Variants in TLCD3A observed in about 807,000 individuals in gnomAD.
TLCD3A encodes TLC domain containing 3A.
Under a neutral mutation model 29.9 loss-of-function variants are expected in TLCD3A, and 17 were observed. That is an observed-to-expected ratio of 0.57 (90% CI 0.39 to 0.85). The LOEUF (loss-of-function observed/expected upper bound fraction) is 0.85, where lower values mean the gene tolerates loss of function less well. Among genes scored for constraint, TLCD3A ranks in the 40% least tolerant of loss-of-function variants. TLCD3A has a pLI of 0.00. For missense variants in TLCD3A, 332 were observed against 350.8 expected (o/e 0.95, Z 0.43); for synonymous variants, 143 against 147.7 (o/e 0.97, Z 0.23).
At chr17:732,811 G>A (rs1265397502) in intron 1 of TLCD3A, 42 bp downstream of exon 1, 52 of 1,421,508 alleles carry the variant, frequency 3.7e-5, no homozygotes, top group Non-Finnish European at 4.4e-5. Flanking sequence ...CCGGGGCGCT[G>A]CCCACCGCAC....
At chr17:734,191 CTTTT>C (rs55901312) in intron 2 of TLCD3A, among the ~76,000 whole-genome samples, 3 of 146,420 alleles carry the variant, frequency 2.0e-5, no homozygotes, top group Non-Finnish European at 3.0e-5. Context: ...TCTTCTTCTT[CTTTT>C]TTTTTTAAAG....
At position 735,986 on chromosome 17, in the gene TLCD3A, C is replaced by CAAAAAAAAA. The variant is rs55943725; in HGVS notation, c.207-1848_207-1840dup. Reference sequence around the variant, plus strand: ...AAGATTTTGTCTCAAAAACCAAAACCAAAAAAAAAAAAAAAAAAAAGGAAC... The same window carrying CAAAAAAAAA: ...AAGATTTTGTCTCAAAAACCAAAACCAAAAAAAAAAAAAAAAAAAAAAAAAAAAAGGAAC... On this transcript the variant is annotated intron_variant, in intron 2 of 4. Transcript: ENST00000308278. 8.5e-4 allele frequency among the ~76,000 whole-genome samples: 91 copies of CAAAAAAAAA among 107,184 alleles called. 2 individuals are homozygous for CAAAAAAAAA. The highest frequency in any genetic ancestry group is 3.3e-3 in the East Asian group (12 of 3,642). The allele number at this position is 107,184 out of a possible 152,430, so 70.3% of individuals were successfully genotyped here.
chr17:739,004 C>T (rs553106497), intron 3 of TLCD3A, among the ~76,000 whole-genome samples: 86 of 152,238 alleles, frequency 5.6e-4, no homozygotes, highest in African/African-American at 2.1e-3. Context: ...TGCCAGAGAG[C>T]ACTGTGTGGA....
In TLCD3A at chr17:732,672, G is replaced by A. The variant is rs537156756; in HGVS notation, c.25G>A (p.Ala9Thr). The A allele has an allele frequency of 2.1e-6, 3 of 1,399,010 alleles. No homozygotes were observed. Among genetic ancestry groups the A allele is most frequent in the East Asian group, 3.2e-5 (1 of 31,466 alleles). 86.7% of individuals were successfully genotyped at this position (1,399,010 alleles called of 1,614,324 possible). A position where few individuals can be genotyped will look rare whatever the true frequency, so the allele number is the denominator to read the frequency against. MLLTLAGG[A>T]LFFPGLFALC... The stretch of plus-strand genomic sequence containing the variant: ...GATGCTGCTGACGCTGGCCGGGGGC[G>A]CGCTCTTCTTCCCGGGGCTCTTCGC... Residue 9 changes from alanine to threonine, a missense_variant, in exon 1 of 5, where the codon GCG becomes ACG. Ala to Thr is a moderately conservative substitution (Grantham distance 58). Transcript: ENST00000308278.
At chr17:733,302 C>A in intron 2 of TLCD3A, 121 bp downstream of exon 2, 2 of 899,448 alleles carry the variant, frequency 2.2e-6, no homozygotes, top group Non-Finnish European at 3.3e-6. Flanking sequence ...CCACAATGGG[C>A]TCCTTCTTCC....
chr17:737,772 A>G, intron 2 of TLCD3A, 74 bp from the exon 3 acceptor site: 1 of 1,348,268 alleles, frequency 7.4e-7, no homozygotes, highest in Non-Finnish European at 1.1e-6. Context: ...CTGATCAAGC[A>G]CCAAGCTTGG....
chr17:741,847 G>A lies in TLCD3A; in HGVS notation c.*277G>A, dbSNP rs1405631582. ...GATCCTTCTTAAGGTCTTATCTCAA[G>A]AGCTCTGGGAGGTGGAAGCATGGGG... On this transcript the variant is annotated 3_prime_UTR_variant, in exon 5 of 5. Coordinates refer to ENST00000308278, the MANE Select transcript of TLCD3A (RefSeq NM_024792.3). 2.2e-6 allele frequency: 1 copy of A among 463,302 alleles called. No individual in the cohort carries two copies. Among genetic ancestry groups the A allele is most frequent in the African/African-American group, 2.0e-5 (1 of 50,820 alleles). The allele number at this position is 463,302 out of a possible 1,614,324, so 28.7% of individuals were successfully genotyped here.
intron 2 of TLCD3A, among the ~76,000 whole-genome samples, chr17:736,620 G>A (rs1974157896): frequency 6.6e-6 from 1 of 152,130 alleles, no homozygotes; most frequent in South Asian, 2.1e-4. Context: ...TGGCCCTTGA[G>A]CTCCAGGCTC....
chr17:732,889 C>A (rs989229322), intron 1 of TLCD3A, 120 bp downstream of exon 1: 5 of 1,372,060 alleles, frequency 3.6e-6, no homozygotes, highest in Non-Finnish European at 3.7e-6. Context: ...GCTCCCTCCG[C>A]GTCCCGGCGG....
chr17:738,810 T>C (rs892323556), intron 3 of TLCD3A, among the ~76,000 whole-genome samples: 6 of 149,752 alleles, frequency 4.0e-5, no homozygotes, highest in Admixed American at 2.0e-4. Flanking sequence ...CAAGTGATCC[T>C]CCTGCCTAGG....
rs9904096 is a variant in TLCD3A at position 737,072 on chromosome 17, C to T, written c.207-774C>T. Among the ~76,000 whole-genome samples, 345 of 151,014 alleles carry T rather than the reference C, an allele frequency of 2.3e-3. 4 individuals are homozygous for T. The highest frequency in any genetic ancestry group is 0.01 in the Middle Eastern group (3 of 290). The stretch of plus-strand genomic sequence containing the variant: ...TGTCGCCCAGGCTGGAGTGCAGTGG[C>T]GCAATATCGGCTCACTGCAACCTCC... On this transcript the variant is annotated intron_variant, in intron 2 of 4. Transcript: ENST00000308278.
intron 3 of TLCD3A, 138 bp from the exon 4 acceptor site, chr17:740,367 C>T (rs953093394): frequency 2.2e-5 from 15 of 682,338 alleles, no homozygotes; most frequent in South Asian, 1.3e-4. Context: ...ACGGAAGCAG[C>T]GGTACAGTAG....
At chr17:732,956 G>C (rs895341220) in intron 1 of TLCD3A, 142 bp from the exon 2 acceptor site, 2 of 1,394,504 alleles carry the variant, frequency 1.4e-6, no homozygotes, top group African/African-American at 3.0e-5. Context: ...GCCGGGGCGG[G>C]CGGGAATGGC....
intron 2 of TLCD3A, among the ~76,000 whole-genome samples, chr17:737,586 A>G (rs1974175739): frequency 1.3e-5 from 2 of 152,176 alleles, no homozygotes; most frequent in Non-Finnish European, 2.9e-5. Flanking sequence ...ACTACAAATT[A>G]GTAGCTAAGT....
intron 1 of TLCD3A, 59 bp from the exon 2 acceptor site, chr17:733,039 G>T: frequency 6.5e-7 from 1 of 1,528,382 alleles, no homozygotes; most frequent in East Asian, 2.5e-5. Flanking sequence ...GCCGGGCCGG[G>T]CTCCCTGCGG....
intron 1 of TLCD3A, 56 bp downstream of exon 1, chr17:732,825 A>T (rs1428482108): frequency 7.2e-7 from 1 of 1,385,734 alleles, no homozygotes; most frequent in Non-Finnish European, 9.3e-7. Flanking sequence ...ACCGCACCCC[A>T]CCCGGCCGCG....
chr17:732,915 C>T, intron 1 of TLCD3A, 146 bp downstream of exon 1: 2 of 1,363,400 alleles, frequency 1.5e-6, no homozygotes, highest in Non-Finnish European at 1.9e-6. Flanking sequence ...GTTTCCGAAG[C>T]CCCTCCGCGT....
At chr17:737,098 G>A (rs901986257) in intron 2 of TLCD3A, among the ~76,000 whole-genome samples, 15 of 151,230 alleles carry the variant, frequency 9.9e-5, no homozygotes, top group African/African-American at 1.5e-4. Context: ...TGCAACCTCC[G>A]CCTCCCGGGT....
chr17:733,280 G>C (rs1974105202), intron 2 of TLCD3A, 99 bp downstream of exon 2: 1 of 1,185,610 alleles, frequency 8.4e-7, no homozygotes, highest in African/African-American at 1.6e-5. Flanking sequence ...TGACTAATGG[G>C]AAAAGCTGGC....
Sources: allele counts gnomAD v4.1 joint callset (sites outside exome capture counted in the v4.1 genomes callset), GRCh38; gene constraint gnomAD v4.1.1; transcripts MANE v1.5; gene names NCBI Gene and HGNC (gene_info 2026-07-23, HGNC 2026-07-21).